PDE1C: variants seen among roughly 807,000 people sequenced by gnomAD.
PDE1C encodes dual specificity calcium/calmodulin-dependent 3',5'-cyclic nucleotide phosphodiesterase 1C.
A neutral mutation model predicts 93.1 loss-of-function variants in PDE1C; 62 were observed. The observed-to-expected ratio is 0.67, with a 90% CI of 0.54 to 0.82. The LOEUF is 0.82. PDE1C is among the 40% of genes least tolerant of loss of function. PDE1C has a pLI of 0.00. For synonymous variants in PDE1C, 325 were observed against 310.1 expected (o/e 1.05, Z -0.50); for missense variants, 742 against 884.6 (o/e 0.84, Z 2.04).
chr7:31,703,953 G>A, the PDE1C span, among the ~76,000 whole-genome samples: 3 of 152,298 alleles, frequency 2.0e-5, no homozygotes, highest in South Asian at 2.1e-4. Flanking sequence ...GGCCCTCATC[G>A]CAGTGACTGC....
chr7:31,995,486 T>G (rs1426795769), intron 2 of PDE1C, among the ~76,000 whole-genome samples: 2 of 152,208 alleles, frequency 1.3e-5, no homozygotes, highest in African/African-American at 4.8e-5. Context: ...TAAATCCATT[T>G]AACACTAAAC....
intron 3 of PDE1C, among the ~76,000 whole-genome samples, chr7:32,112,842 G>A (rs200805006): frequency 0.032 from 1,594 of 49,926 alleles, 11 homozygotes; most frequent in Non-Finnish European, 0.047. Context: ...GTGTGTGTGT[G>A]TGTGTATATA....
chr7:32,394,278 G>A (rs932671747), intron 1 of PDE1C, among the ~76,000 whole-genome samples: 1 of 152,148 alleles, frequency 6.6e-6, no homozygotes, highest in African/African-American at 2.4e-5. Context: ...TTTTAAAAAG[G>A]AGGCTGAAGC....
intron 2 of PDE1C, among the ~76,000 whole-genome samples, chr7:31,997,630 T>C (rs1414307205): frequency 6.6e-6 from 1 of 152,234 alleles, no homozygotes. Flanking sequence ...ATCTGGTAAG[T>C]ACCTAAAAGG....
At chr7:31,676,195 A>T in the PDE1C span, among the ~76,000 whole-genome samples, 2 of 152,166 alleles carry the variant, frequency 1.3e-5, no homozygotes, top group East Asian at 3.8e-4. Context: ...AAATAGTGGG[A>T]CTAGATAATG....
intron 1 of PDE1C, among the ~76,000 whole-genome samples, chr7:32,298,403 T>G (rs1365965101): frequency 6.6e-6 from 1 of 151,380 alleles, no homozygotes; most frequent in Non-Finnish European, 1.5e-5. Context: ...TTCGGGGAGG[T>G]GTGATGCTGA....
chr7:32,168,897 C>G (rs896869484), intron 3 of PDE1C, among the ~76,000 whole-genome samples: 1 of 152,062 alleles, frequency 6.6e-6, no homozygotes, highest in African/African-American at 2.4e-5. Context: ...TCATGGAACT[C>G]CAACAGCTGT....
intron 5 of PDE1C, among the ~76,000 whole-genome samples, chr7:31,876,126 G>A (rs935853921): frequency 2.0e-5 from 3 of 151,932 alleles, no homozygotes. Context: ...CTATATCTGT[G>A]ATCGCTCCAA....
At chr7:31,691,107 G>A in the PDE1C span, among the ~76,000 whole-genome samples, 1 of 152,232 alleles carries the variant, frequency 6.6e-6, no homozygotes, top group East Asian at 1.9e-4. Flanking sequence ...GAAAACAATG[G>A]TCTGAATTGA....
chr7:32,328,388 TA>T (rs2128076047), intron 1 of PDE1C, among the ~76,000 whole-genome samples: 1 of 152,246 alleles, frequency 6.6e-6, no homozygotes, highest in East Asian at 1.9e-4. Flanking sequence ...TTTCCCTTCT[TA>T]AAACATTGTG....
At chr7:31,881,800 G>A (rs1418224714) in intron 2 of PDE1C, among the ~76,000 whole-genome samples, 1 of 152,010 alleles carries the variant, frequency 6.6e-6, no homozygotes, top group Non-Finnish European at 1.5e-5. Flanking sequence ...TTGACCTAAA[G>A]ATTAAATGAA....
At chr7:32,425,780 A>C (rs1269652311) in intron 1 of PDE1C, among the ~76,000 whole-genome samples, 2 of 152,166 alleles carry the variant, frequency 1.3e-5, no homozygotes, top group Non-Finnish European at 2.9e-5. Context: ...GTCTCTACAA[A>C]AAACATGAAA....
At chr7:32,367,593 A>T (rs184782785) in intron 1 of PDE1C, among the ~76,000 whole-genome samples, 1 of 152,160 alleles carries the variant, frequency 6.6e-6, no homozygotes, top group East Asian at 1.9e-4. Context: ...GTGGTGGCTT[A>T]TGCCTGTAAT....
the PDE1C span, among the ~76,000 whole-genome samples, chr7:31,718,050 C>A: frequency 1.2e-4 from 18 of 152,232 alleles, no homozygotes; most frequent in African/African-American, 3.9e-4. Flanking sequence ...ACCTATGTGA[C>A]CCCCTGAGGT....
the PDE1C span, among the ~76,000 whole-genome samples, chr7:31,626,106 C>T: frequency 6.6e-6 from 1 of 151,988 alleles, no homozygotes; most frequent in Non-Finnish European, 1.5e-5. Flanking sequence ...GTAAACTTGG[C>T]AAAAACATGT....
intron 2 of PDE1C, among the ~76,000 whole-genome samples, chr7:31,970,185 T>C (rs78930411): frequency 0.092 from 14,016 of 152,004 alleles, 787 homozygotes; most frequent in Middle Eastern, 0.19. Context: ...GTCTAGAGAA[T>C]GGAAGTGGTG....
chr7:31,939,232 G>A (rs1563068169), intron 2 of PDE1C, among the ~76,000 whole-genome samples: 3 of 149,564 alleles, frequency 2.0e-5, no homozygotes, highest in East Asian at 3.9e-4. Context: ...AGAAGAAGAA[G>A]GAGGAGGAGG....
At position 31,807,100 on chromosome 7, in the gene PDE1C, C is replaced by T. The variant is rs541503534; in HGVS notation, c.1891+1931G>A. Among the ~76,000 whole-genome samples the T allele has an allele frequency of 3.3e-5, 5 of 151,852 alleles. No homozygotes were observed. The South Asian group carries it at 8.3e-4, about 25-fold the overall frequency. On this transcript the variant is annotated intron_variant, in intron 16 of 17. Coordinates refer to ENST00000396191, the MANE Select transcript of PDE1C (RefSeq NM_001191057.4). ...TAGTGCAAGTCACTGAAGCTCAATG[C>T]TCTAAGTTCTATTGATACCAAAGCA... is the stretch of plus-strand genomic sequence containing the variant.
chr7:31,646,760 G>A, the PDE1C span, among the ~76,000 whole-genome samples: 6 of 152,188 alleles, frequency 3.9e-5, no homozygotes, highest in Middle Eastern at 3.2e-3. Flanking sequence ...GTCCTCAGAC[G>A]TGGGTAGATT....
Sources: gnomAD v4.1 joint callset for allele counts (sites outside exome capture counted in the v4.1 genomes callset) on GRCh38, gnomAD v4.1.1 for gene constraint, MANE v1.5 for transcripts, NCBI Gene and HGNC (gene_info 2026-07-23, HGNC 2026-07-21) for gene names.